Variants in SLC24A2 observed in about 807,000 individuals in gnomAD.
SLC24A2 encodes the protein sodium/potassium/calcium exchanger 2.
SLC24A2 carries 36 observed loss-of-function variants against 62.0 expected under a neutral mutation model. The ratio of observed to expected loss-of-function variants is 0.58; its 90% CI spans 0.44 to 0.77. The LOEUF (loss-of-function observed/expected upper bound fraction) is 0.77, where lower values mean the gene tolerates loss of function less well. Ranked by LOEUF, SLC24A2 falls within the 30% of genes least tolerant of loss-of-function variation. The pLI is 0.00. For missense variants in SLC24A2, 846 were observed against 817.9 expected (o/e 1.03, Z -0.42); for synonymous variants, 358 against 294.0 (o/e 1.22, Z -2.23).
At chr9:20,299,301 G>T in the SLC24A2 span, among the ~76,000 whole-genome samples, 1 of 152,210 alleles carries the variant, frequency 6.6e-6, no homozygotes, top group Non-Finnish European at 1.5e-5. Flanking sequence ...AACATAGCAT[G>T]TGGGAAAGGA....
chr9:20,239,562 A>C, the SLC24A2 span, among the ~76,000 whole-genome samples: 1 of 152,204 alleles, frequency 6.6e-6, no homozygotes, highest in African/African-American at 2.4e-5. Flanking sequence ...GGCCTAGGAA[A>C]AGGGCTGCTC....
chr9:20,264,949 C>G, the SLC24A2 span, among the ~76,000 whole-genome samples: 3 of 152,200 alleles, frequency 2.0e-5, no homozygotes, highest in Non-Finnish European at 2.9e-5. Context: ...CTAAGCCACT[C>G]CGGCAATGAG....
chr9:20,029,854 ATG>A, the SLC24A2 span, among the ~76,000 whole-genome samples: 1 of 151,894 alleles, frequency 6.6e-6, no homozygotes, highest in Non-Finnish European at 1.5e-5. Context: ...GTATGCATGT[ATG>A]TGTGTGTGGT....
chr9:20,077,905 A>G, the SLC24A2 span, among the ~76,000 whole-genome samples: 239 of 152,320 alleles, frequency 1.6e-3, 2 homozygotes, highest in East Asian at 0.019. Context: ...CCCAAGTGAC[A>G]GGAAAATATA....
the SLC24A2 span, among the ~76,000 whole-genome samples, chr9:20,272,556 C>T: frequency 9.9e-5 from 15 of 152,274 alleles, no homozygotes; most frequent in African/African-American, 3.1e-4. Context: ...ATAAGGTCAT[C>T]GTCTCCTCTA....
chr9:20,104,349 C>T, the SLC24A2 span, among the ~76,000 whole-genome samples: 293 of 152,182 alleles, frequency 1.9e-3, 1 homozygote, highest in Middle Eastern at 3.4e-3. Context: ...ATACAGAGAA[C>T]GCCACAAAGA....
the SLC24A2 span, among the ~76,000 whole-genome samples, chr9:20,069,814 TATAA>T: frequency 1.3e-5 from 2 of 152,226 alleles, no homozygotes; most frequent in African/African-American, 4.8e-5. Context: ...AAAGTTTTCT[TATAA>T]ATGATTATTT....
At chr9:20,294,326 A>G in the SLC24A2 span, among the ~76,000 whole-genome samples, 1 of 152,102 alleles carries the variant, frequency 6.6e-6, no homozygotes, top group African/African-American at 2.4e-5. Flanking sequence ...TCACGGTGAC[A>G]ATGGTAATAT....
chr9:19,799,259 AG>A, the SLC24A2 span, among the ~76,000 whole-genome samples: 1 of 152,030 alleles, frequency 6.6e-6, no homozygotes, highest in Admixed American at 6.6e-5. Flanking sequence ...ACTTAGAAAA[AG>A]CCCTTGTCAC....
At chr9:19,770,529 A>G (rs1445793096) in intron 2 of SLC24A2, among the ~76,000 whole-genome samples, 1 of 152,156 alleles carries the variant, frequency 6.6e-6, no homozygotes, top group Non-Finnish European at 1.5e-5. Context: ...TTGTTCTAGC[A>G]TGGGCTCAGA....
rs183226419 is a variant in SLC24A2 at position 19,751,633 on chromosome 9, T to C, written c.930+34304A>G. ...TTTGGGGAAAAAAGGGATGCAGACA[T>C]GGGGAGTAGAGAGTTCCATAGCTCT... On this transcript the variant is annotated intron_variant, in intron 2 of 10. Coordinates refer to ENST00000341998, the MANE Select transcript of SLC24A2 (RefSeq NM_020344.4). Among the ~76,000 whole-genome samples the C allele has an allele frequency of 1.3e-3, 197 of 152,196 alleles. 2 individuals carry two copies. Among genetic ancestry groups the C allele is most frequent in the African/African-American group, 4.6e-3 (191 of 41,540 alleles).
At chr9:20,088,389 G>T in the SLC24A2 span, among the ~76,000 whole-genome samples, 1 of 152,216 alleles carries the variant, frequency 6.6e-6, no homozygotes, top group Non-Finnish European at 1.5e-5. Flanking sequence ...GGCAACTAGG[G>T]ACTGGAGCAG....
chr9:19,849,180 G>T, the SLC24A2 span, among the ~76,000 whole-genome samples: 1 of 152,104 alleles, frequency 6.6e-6, no homozygotes, highest in Non-Finnish European at 1.5e-5. Context: ...TCTGCTCTGC[G>T]TTTGGGGATT....
At chr9:19,732,535 C>G (rs1161154496) in intron 2 of SLC24A2, among the ~76,000 whole-genome samples, 1 of 152,102 alleles carries the variant, frequency 6.6e-6, no homozygotes, top group Admixed American at 6.6e-5. Flanking sequence ...ATGTTGTGAT[C>G]TATGCATAAA....
the SLC24A2 span, among the ~76,000 whole-genome samples, chr9:20,130,785 T>G: frequency 6.6e-6 from 1 of 152,114 alleles, no homozygotes; most frequent in East Asian, 1.9e-4. Flanking sequence ...AAGACTGTTG[T>G]GTTAGATTGC....
intron 7 of SLC24A2, among the ~76,000 whole-genome samples, chr9:19,567,275 G>A (rs187436404): frequency 1.7e-4 from 26 of 151,616 alleles, no homozygotes; most frequent in African/African-American, 5.1e-4. Flanking sequence ...GGCCGGGCAC[G>A]GTGGCTCACA....
the SLC24A2 span, among the ~76,000 whole-genome samples, chr9:19,871,177 T>G: frequency 2.6e-5 from 4 of 152,188 alleles, no homozygotes; most frequent in Non-Finnish European, 5.9e-5. Flanking sequence ...TCTCCATTCT[T>G]TGAACATGTA....
the SLC24A2 span, among the ~76,000 whole-genome samples, chr9:20,061,436 G>C: frequency 6.6e-6 from 1 of 152,050 alleles, no homozygotes; most frequent in African/African-American, 2.4e-5. Flanking sequence ...ACAGGCATGT[G>C]CCACCATGCC....
chr9:20,171,233 A>T, the SLC24A2 span, among the ~76,000 whole-genome samples: 1 of 152,180 alleles, frequency 6.6e-6, no homozygotes, highest in South Asian at 2.1e-4. Context: ...AAATCTTGAA[A>T]CAAATCCTGG....
Sources: allele counts gnomAD v4.1 joint callset (sites outside exome capture counted in the v4.1 genomes callset), GRCh38; gene constraint gnomAD v4.1.1; transcripts MANE v1.5; gene names NCBI Gene and HGNC (gene_info 2026-07-23, HGNC 2026-07-21).